The following SKAP2 variants were observed in gnomAD, a reference collection of about 807,000 sequenced individuals.
SKAP2 encodes the protein src kinase associated phosphoprotein 2.
SKAP2 carries 28 observed loss-of-function variants against 54.9 expected under a neutral mutation model. The observed-to-expected ratio is 0.51, with a 90% CI of 0.38 to 0.70. The LOEUF (loss-of-function observed/expected upper bound fraction) is 0.70, where lower values mean the gene tolerates loss of function less well. SKAP2 is among the 30% of genes least tolerant of loss of function. SKAP2 has a pLI of 0.00. For missense variants in SKAP2, 356 were observed against 424.1 expected (o/e 0.84, Z 1.41); for synonymous variants, 137 against 134.3 (o/e 1.02, Z -0.14).
At chr7:26,724,250 C>T (rs535965340) in intron 9 of SKAP2, among the ~76,000 whole-genome samples, 6 of 152,168 alleles carry the variant, frequency 3.9e-5, no homozygotes, top group African/African-American at 1.4e-4. Flanking sequence ...CAAGAATTCA[C>T]CAGATACAAT....
rs553671208 is a variant in SKAP2, at chr7:26,725,330, A to C, written c.796+98T>G. On this transcript the variant is annotated intron_variant, in intron 9 of 12. Coordinates refer to ENST00000345317, the MANE Select transcript of SKAP2 (RefSeq NM_003930.5). ...TCAATAGGTCACCATTTTCTACTCA[A>C]GCTGTCGAGGACAAATCACACACAC... 7.0e-5 allele frequency: 55 copies of C among 781,372 alleles called. No individual in the cohort carries two copies. In the South Asian group the frequency reaches 1.2e-3, roughly 17 times the overall value. 48.4% of individuals were successfully genotyped at this position (781,372 alleles called of 1,614,324 possible). A position where few individuals can be genotyped will look rare whatever the true frequency, so the allele number is the denominator to read the frequency against.
chr7:26,690,397 G>T (rs766282151), intron 9 of SKAP2, 35 bp from the exon 10 acceptor site: 1 of 1,368,282 alleles, frequency 7.3e-7, no homozygotes. Flanking sequence ...ACATTGAAGG[G>T]TTTTCTCAGG....
chr7:26,824,961 A>G (rs1784457788), intron 4 of SKAP2, among the ~76,000 whole-genome samples: 1 of 151,852 alleles, frequency 6.6e-6, no homozygotes, highest in Non-Finnish European at 1.5e-5. Flanking sequence ...TATTAAATAT[A>G]CTCTTGTGGT....
In SKAP2 at chr7:26,691,366, A is replaced by C. The variant is rs573943431; in HGVS notation, c.797-1004T>G. 7.2e-5 allele frequency among the ~76,000 whole-genome samples: 11 copies of C among 152,356 alleles called. No individual in the cohort carries two copies. The South Asian group carries it at 1.9e-3, about 26-fold the overall frequency. On this transcript the variant is annotated intron_variant, in intron 9 of 12. Transcript: ENST00000345317. ...TTGCATACAAACCTAGAAATACTTA[A>C]GGCAGGACATATAAACAAATGGCAT... is the stretch of plus-strand genomic sequence containing the variant.
At chr7:26,762,535 T>TA (rs1019423001) in intron 4 of SKAP2, among the ~76,000 whole-genome samples, 8 of 150,674 alleles carry the variant, frequency 5.3e-5, no homozygotes, top group Admixed American at 2.0e-4. Context: ...TGCTTGCCTT[T>TA]AAAAAAAAAT....
chr7:26,782,894 G>C (rs915826606), intron 4 of SKAP2, among the ~76,000 whole-genome samples: 5 of 152,152 alleles, frequency 3.3e-5, no homozygotes, highest in African/African-American at 1.2e-4. Context: ...CCAGAACTGT[G>C]AGCGATAAAT....
chr7:26,725,815 G>A (rs1192571787), intron 8 of SKAP2, 108 bp downstream of exon 8: 3 of 919,376 alleles, frequency 3.3e-6, no homozygotes, highest in Non-Finnish European at 5.1e-6. Flanking sequence ...TCACATTCAA[G>A]TTGGTCATTC....
intron 4 of SKAP2, among the ~76,000 whole-genome samples, chr7:26,841,506 C>T (rs1342807244): frequency 1.3e-5 from 2 of 151,980 alleles, no homozygotes; most frequent in Non-Finnish European, 2.9e-5. Context: ...GCAATCAAGT[C>T]GAAGCATCAC....
chr7:26,711,064 C>T (rs966360639), intron 9 of SKAP2, among the ~76,000 whole-genome samples: 10 of 152,092 alleles, frequency 6.6e-5, no homozygotes, highest in East Asian at 1.9e-4. Flanking sequence ...GGAATGACCA[C>T]GAAGGTTCCA....
chr7:26,658,104 T>C, the SKAP2 span, among the ~76,000 whole-genome samples: 3 of 152,158 alleles, frequency 2.0e-5, no homozygotes, highest in Middle Eastern at 3.2e-3. Flanking sequence ...ATCTTCTCTT[T>C]GCCGCATGAA....
intron 9 of SKAP2, among the ~76,000 whole-genome samples, chr7:26,720,011 G>A (rs1382143851): frequency 4.6e-5 from 7 of 151,100 alleles, no homozygotes; most frequent in Admixed American, 3.3e-4. Flanking sequence ...ATTGTAGGTC[G>A]TTTAACAGCA....
intron 9 of SKAP2, among the ~76,000 whole-genome samples, chr7:26,714,082 A>G (rs1252828023): frequency 2.0e-5 from 3 of 152,184 alleles, no homozygotes; most frequent in Non-Finnish European, 4.4e-5. Context: ...TTAGTTAAGG[A>G]ATGAGGATAG....
chr7:26,759,357 A>G lies in SKAP2; in HGVS notation c.308-19393T>C, dbSNP rs1283703324. Among the ~76,000 whole-genome samples, 5 of 152,282 alleles carry G rather than the reference A, an allele frequency of 3.3e-5. No homozygotes were observed. The South Asian group carries it at 6.2e-4, about 19-fold the overall frequency. The stretch of plus-strand genomic sequence containing the variant: ...TATGTCATCTCCATTCTGAGTAGCA[A>G]ATCAGTAATCAATATTTGTAAAAGC... On this transcript the variant is annotated intron_variant, in intron 4 of 12. Coordinates refer to ENST00000345317, the MANE Select transcript of SKAP2 (RefSeq NM_003930.5).
chr7:26,661,795 C>T, the SKAP2 span, among the ~76,000 whole-genome samples: 55 of 152,170 alleles, frequency 3.6e-4, no homozygotes, highest in Non-Finnish European at 4.9e-4. Flanking sequence ...TGCTAGATTT[C>T]GGTGTGAAGG....
At chr7:26,789,504 TAG>T (rs1049374691) in intron 4 of SKAP2, among the ~76,000 whole-genome samples, 3 of 152,128 alleles carry the variant, frequency 2.0e-5, no homozygotes, top group Non-Finnish European at 2.9e-5. Flanking sequence ...GTTACAGTTA[TAG>T]AGTTATTACA....
chr7:26,684,672 A>G, intron 11 of SKAP2, 64 bp downstream of exon 11: 1 of 955,226 alleles, frequency 1.0e-6, no homozygotes, highest in Non-Finnish European at 1.7e-6. Flanking sequence ...TGTAAATCCA[A>G]ATGCATTAAA....
chr7:26,805,973 G>A (rs1008144032), intron 4 of SKAP2, among the ~76,000 whole-genome samples: 2 of 151,788 alleles, frequency 1.3e-5, no homozygotes, highest in African/African-American at 2.4e-5. Flanking sequence ...GTCACCTTTT[G>A]GTAATTTTCA....
intron 4 of SKAP2, among the ~76,000 whole-genome samples, chr7:26,755,766 T>C (rs562828918): frequency 6.6e-6 from 1 of 152,284 alleles, no homozygotes; most frequent in East Asian, 1.9e-4. Context: ...CTTTTTAACT[T>C]ATAGGACTGG....
At chr7:26,713,275 TC>T in intron 9 of SKAP2, among the ~76,000 whole-genome samples, 1 of 152,236 alleles carries the variant, frequency 6.6e-6, no homozygotes. Context: ...CATCATTTAC[TC>T]CCTCTCACAT....
Sources: gnomAD v4.1 joint callset for allele counts (sites outside exome capture counted in the v4.1 genomes callset) on GRCh38, gnomAD v4.1.1 for gene constraint, MANE v1.5 for transcripts, NCBI Gene and HGNC (gene_info 2026-07-23, HGNC 2026-07-21) for gene names.